COG5: variants seen among roughly 807,000 people sequenced by gnomAD.
The protein encoded by COG5 is component of oligomeric golgi complex 5.
Under a neutral mutation model 110.4 loss-of-function variants are expected in COG5, and 86 were observed. The ratio of observed to expected loss-of-function variants is 0.78; its 90% CI spans 0.65 to 0.93. The LOEUF is 0.93. COG5 is among the 40% of genes least tolerant of loss of function. COG5 has a pLI of 0.00. For synonymous variants in COG5, 360 were observed against 334.6 expected, an observed-to-expected ratio of 1.08 and a Z score of -0.83; for missense variants, 1,077 against 987.0, an observed-to-expected ratio of 1.09 and a Z score of -1.22.
intron 10 of COG5, among the ~76,000 whole-genome samples, chr7:107,352,801 A>G (rs753740481): frequency 6.6e-6 from 1 of 152,182 alleles, no homozygotes; most frequent in African/African-American, 2.4e-5. Context: ...TCCTATACAC[A>G]TGATTACAAG....
intron 7 of COG5, among the ~76,000 whole-genome samples, chr7:107,383,930 A>G (rs1815343863): frequency 6.6e-6 from 1 of 152,182 alleles, no homozygotes. Flanking sequence ...GCTCAGGGGA[A>G]GAGATCCCAG....
intron 6 of COG5, among the ~76,000 whole-genome samples, chr7:107,420,446 A>G (rs1378706029): frequency 6.6e-6 from 1 of 152,166 alleles, no homozygotes; most frequent in Non-Finnish European, 1.5e-5. Context: ...ATTACAGAAA[A>G]CAAACACAGG....
chr7:107,497,047 C>T (rs1175711210), intron 6 of COG5, among the ~76,000 whole-genome samples: 1 of 151,788 alleles, frequency 6.6e-6, no homozygotes, highest in South Asian at 2.1e-4. Flanking sequence ...CCATCTCTAC[C>T]AAATAAAAAT....
chr7:107,267,527 A>C (rs1032368750), intron 14 of COG5, among the ~76,000 whole-genome samples: 1 of 152,224 alleles, frequency 6.6e-6, no homozygotes, highest in Non-Finnish European at 1.5e-5. Flanking sequence ...CCCACTTTCC[A>C]ATAATGAATA....
At chr7:107,303,957 T>C (rs534064319) in intron 11 of COG5, among the ~76,000 whole-genome samples, 1 of 152,292 alleles carries the variant, frequency 6.6e-6, no homozygotes, top group Middle Eastern at 3.4e-3. Flanking sequence ...TTTAAATTAA[T>C]CACTAGTGAT....
rs57726748 is a variant in COG5, at chr7:107,440,908, C to T, written c.539-28276G>A. 5.5e-3 allele frequency among the ~76,000 whole-genome samples: 844 copies of T among 152,164 alleles called. 49 individuals are homozygous for T. In the East Asian group the frequency reaches 0.11, roughly 20 times the overall value. Reference sequence around the variant, plus strand: ...TTTATTTTAAAACAACAACAACAAACAGTAATAATAAGTTAAGCACTTTTC... The same window carrying T: ...TTTATTTTAAAACAACAACAACAAATAGTAATAATAAGTTAAGCACTTTTC... On this transcript the variant is annotated intron_variant, in intron 6 of 21. Coordinates refer to ENST00000297135, the MANE Select transcript of COG5 (RefSeq NM_006348.5).
intron 2 of COG5, 105 bp downstream of exon 2, chr7:107,557,871 G>C: frequency 7.2e-7 from 1 of 1,385,204 alleles, no homozygotes. Flanking sequence ...TGGTAAGTAT[G>C]TACTTCTTCA....
rs1008249204 is a variant in COG5 at position 107,261,627 on chromosome 7, C to G, written c.1576-3244G>C. ...AATACTTCTTGATTAAATCAATATTCAAATAGATGATCCTTCCAATACAAT... is the reference window on the plus strand; with the variant it reads ...AATACTTCTTGATTAAATCAATATTGAAATAGATGATCCTTCCAATACAAT... On this transcript the variant is annotated intron_variant, in intron 14 of 21. Coordinates refer to ENST00000297135, the MANE Select transcript of COG5 (RefSeq NM_006348.5). Among the ~76,000 whole-genome samples, 4 of 152,086 alleles carry G rather than the reference C, an allele frequency of 2.6e-5. No individual in the cohort carries two copies. The East Asian group carries it at 5.8e-4, about 22-fold the overall frequency.
At chr7:107,222,363 G>A (rs1437420045) in intron 19 of COG5, among the ~76,000 whole-genome samples, 1 of 152,106 alleles carries the variant, frequency 6.6e-6, no homozygotes, top group Non-Finnish European at 1.5e-5. Flanking sequence ...ATGGCACTAT[G>A]CCCAGCTAAT....
At chr7:107,465,055 G>A (rs1381647389) in intron 6 of COG5, among the ~76,000 whole-genome samples, 1 of 152,054 alleles carries the variant, frequency 6.6e-6, no homozygotes, top group Non-Finnish European at 1.5e-5. Context: ...GAATGTTCAG[G>A]GATATTCAGG....
At chr7:107,528,418 G>A (rs1800934620) in intron 5 of COG5, among the ~76,000 whole-genome samples, 1 of 152,140 alleles carries the variant, frequency 6.6e-6, no homozygotes, top group African/African-American at 2.4e-5. Context: ...TTATAAAAGA[G>A]AAAGCACATA....
chr7:107,506,737 GT>G (rs1799040578), intron 6 of COG5, among the ~76,000 whole-genome samples: 1 of 152,050 alleles, frequency 6.6e-6, no homozygotes, highest in African/African-American at 2.4e-5. Flanking sequence ...GGAACCACAG[GT>G]TTCAGGCCAC....
Position 107,563,788 on chromosome 7 carries a change from AC to A in COG5, c.94+14del, listed in dbSNP as rs1263454350. 2 of 1,613,640 alleles carry A rather than the reference AC, an allele frequency of 1.2e-6. No homozygotes were observed. Among genetic ancestry groups the A allele is most frequent in the Admixed American group, 3.3e-5 (2 of 60,016 alleles). ...ACCCCCAACCCCACGACCTGGTCAGACCCCGTCTCCTTACCGTCCTGCAGAA... is the reference window on the plus strand; with the variant it reads ...ACCCCCAACCCCACGACCTGGTCAGACCCGTCTCCTTACCGTCCTGCAGAA... On this transcript the variant is annotated intron_variant, in intron 1 of 21. Coordinates refer to ENST00000297135, the MANE Select transcript of COG5 (RefSeq NM_006348.5).
At chr7:107,476,315 G>T (rs914056486) in intron 6 of COG5, among the ~76,000 whole-genome samples, 2 of 123,128 alleles carry the variant, frequency 1.6e-5, no homozygotes, top group African/African-American at 6.0e-5. Context: ...AAAAAAAAAA[G>T]ACTTTAAATC....
At chr7:107,518,786 A>C (rs1352524175) in intron 6 of COG5, among the ~76,000 whole-genome samples, 1 of 152,200 alleles carries the variant, frequency 6.6e-6, no homozygotes, top group Non-Finnish European at 1.5e-5. Flanking sequence ...TCACGACTTG[A>C]ACTCACTCTG....
intron 8 of COG5, among the ~76,000 whole-genome samples, chr7:107,369,577 G>A (rs916879749): frequency 6.6e-6 from 1 of 151,634 alleles, no homozygotes; most frequent in African/African-American, 2.4e-5. Context: ...TTAGTAGAGA[G>A]GGGGTTTTAC....
intron 6 of COG5, among the ~76,000 whole-genome samples, chr7:107,454,865 T>C (rs1795564249): frequency 6.6e-6 from 1 of 152,178 alleles, no homozygotes. Context: ...TACTTAATAT[T>C]TTGCCTTTTA....
At chr7:107,507,497 C>A (rs1405675205) in intron 6 of COG5, among the ~76,000 whole-genome samples, 1 of 143,394 alleles carries the variant, frequency 7.0e-6, no homozygotes, top group Admixed American at 7.0e-5. Context: ...TTAGTAGACA[C>A]AGGGTTTCAC....
chr7:107,458,323 G>A (rs569489714), intron 6 of COG5, among the ~76,000 whole-genome samples: 9 of 151,910 alleles, frequency 5.9e-5, no homozygotes, highest in Non-Finnish European at 1.0e-4. Context: ...GTAAATATGC[G>A]GATAAACATA....
Sources: gnomAD v4.1 joint callset for allele counts (sites outside exome capture counted in the v4.1 genomes callset) on GRCh38, gnomAD v4.1.1 for gene constraint, MANE v1.5 for transcripts, NCBI Gene and HGNC (gene_info 2026-07-23, HGNC 2026-07-21) for gene names.